CYRIA: variants seen among roughly 807,000 people sequenced by gnomAD.
The protein encoded by CYRIA is CYFIP-related Rac1 interactor A.
A neutral mutation model predicts 43.9 loss-of-function variants in CYRIA; 15 were observed. That is an observed-to-expected ratio of 0.34 (90% CI 0.23 to 0.53). The LOEUF is 0.53. Among genes scored for constraint, CYRIA ranks in the 20% least tolerant of loss-of-function variants. The probability of loss-of-function intolerance (pLI) is 0.94; values close to 1 mark genes in which losing one functional copy is unlikely to be tolerated. For missense variants in CYRIA, 236 were observed against 394.2 expected (o/e 0.60, Z 3.40); for synonymous variants, 117 against 136.0 (o/e 0.86, Z 0.97).
intron 2 of CYRIA, among the ~76,000 whole-genome samples, chr2:16,610,198 C>G (rs1354406299): frequency 6.6e-6 from 1 of 152,220 alleles, no homozygotes; most frequent in Non-Finnish European, 1.5e-5. Flanking sequence ...TTCTGTGCTA[C>G]TACCATCTCC....
chr2:16,593,245 A>C (rs559279039), intron 2 of CYRIA, among the ~76,000 whole-genome samples: 1 of 152,254 alleles, frequency 6.6e-6, no homozygotes, highest in South Asian at 2.1e-4. Flanking sequence ...TTATTTTTCA[A>C]GATTGGTGTC....
chr2:16,647,586 C>G (rs1050570501), intron 1 of CYRIA, among the ~76,000 whole-genome samples: 11 of 152,210 alleles, frequency 7.2e-5, no homozygotes, highest in African/African-American at 2.7e-4. Context: ...CAAGGCCCTG[C>G]AGGTCCAGTC....
chr2:16,593,196 C>T (rs1182544733), intron 2 of CYRIA, among the ~76,000 whole-genome samples: 1 of 152,028 alleles, frequency 6.6e-6, no homozygotes, highest in African/African-American at 2.4e-5. Flanking sequence ...GGATTAATGT[C>T]CCCAGCATCA....
At position 16,653,110 on chromosome 2, in the gene CYRIA, T is replaced by C. The variant is rs543169837; in HGVS notation, c.-167+12670A>G. On this transcript the variant is annotated intron_variant, in intron 1 of 11. Coordinates refer to ENST00000381323, the MANE Select transcript of CYRIA (RefSeq NM_030797.4). ...ATTGAAGACAAGCCTGGGCCTGTCC[T>C]GCATGGTGCACAGGCCAGCATGAGA... Among the ~76,000 whole-genome samples, 35 of 152,358 alleles carry C rather than the reference T, an allele frequency of 2.3e-4. No individual in the cohort carries two copies. In the South Asian group the frequency reaches 7.3e-3, roughly 32 times the overall value.
At chr2:16,599,680 A>G (rs1351154834) in intron 2 of CYRIA, among the ~76,000 whole-genome samples, 2 of 150,358 alleles carry the variant, frequency 1.3e-5, no homozygotes, top group Non-Finnish European at 3.0e-5. Context: ...AAATGCAGAA[A>G]TCACCCGTCT....
intron 1 of CYRIA, among the ~76,000 whole-genome samples, chr2:16,641,317 C>T (rs1298082036): frequency 3.9e-5 from 6 of 152,170 alleles, no homozygotes; most frequent in African/African-American, 1.4e-4. Flanking sequence ...CCTTCTCCTC[C>T]GTATGCCACG....
At chr2:16,608,206 C>T (rs901581349) in intron 2 of CYRIA, among the ~76,000 whole-genome samples, 4 of 152,144 alleles carry the variant, frequency 2.6e-5, no homozygotes, top group Non-Finnish European at 5.9e-5. Context: ...AAGACATCAC[C>T]CACACAGACT....
intron 2 of CYRIA, among the ~76,000 whole-genome samples, chr2:16,592,001 G>A (rs144727078): frequency 6.6e-5 from 10 of 152,160 alleles, no homozygotes; most frequent in African/African-American, 2.4e-4. Flanking sequence ...GCACATAGAA[G>A]TTTTCAGATC....
chr2:16,628,163 T>TGAC (rs142875440), intron 1 of CYRIA, among the ~76,000 whole-genome samples: 2 of 151,550 alleles, frequency 1.3e-5, no homozygotes, highest in Non-Finnish European at 2.9e-5. Context: ...CCTAGAATAA[T>TGAC]AACAACAACA....
chr2:16,653,386 C>T (rs970824454), intron 1 of CYRIA, among the ~76,000 whole-genome samples: 6 of 152,218 alleles, frequency 3.9e-5, no homozygotes, highest in East Asian at 1.9e-4. Flanking sequence ...GATTATTTTA[C>T]GTCCTTCAGG....
chr2:16,576,621 A>G (rs1369530266), intron 3 of CYRIA, among the ~76,000 whole-genome samples: 1 of 152,194 alleles, frequency 6.6e-6, no homozygotes, highest in Non-Finnish European at 1.5e-5. Context: ...ATTTACCAAT[A>G]TTGCATTATT....
At chr2:16,606,216 AC>A in intron 2 of CYRIA, among the ~76,000 whole-genome samples, 1 of 152,172 alleles carries the variant, frequency 6.6e-6, no homozygotes. Flanking sequence ...CCCTCACCCA[AC>A]AAAAAGCATT....
intron 1 of CYRIA, among the ~76,000 whole-genome samples, chr2:16,662,696 T>C (rs1275269097): frequency 1.3e-5 from 2 of 152,184 alleles, no homozygotes; most frequent in South Asian, 2.1e-4. Context: ...CAAGGGCTGA[T>C]GTGTGGCTCT....
At chr2:16,628,199 T>C (rs1051398725) in intron 1 of CYRIA, among the ~76,000 whole-genome samples, 1 of 152,214 alleles carries the variant, frequency 6.6e-6, no homozygotes, top group African/African-American at 2.4e-5. Context: ...TGGCAGGTTA[T>C]GATTTGTCAG....
chr2:16,565,930 C>G (rs1415090938), intron 3 of CYRIA, among the ~76,000 whole-genome samples, 163 bp from the exon 4 acceptor site: 2 of 152,144 alleles, frequency 1.3e-5, no homozygotes, highest in African/African-American at 4.8e-5. Context: ...GAAGGGAAAA[C>G]TGATGAAACT....
At chr2:16,616,266 T>C (rs1263383783) in intron 2 of CYRIA, among the ~76,000 whole-genome samples, 1 of 152,110 alleles carries the variant, frequency 6.6e-6, no homozygotes, top group African/African-American at 2.4e-5. Context: ...CTGCAGGCAT[T>C]TGCACTGAAA....
At chr2:16,593,633 G>A (rs1022628886) in intron 2 of CYRIA, among the ~76,000 whole-genome samples, 4 of 150,144 alleles carry the variant, frequency 2.7e-5, no homozygotes, top group Non-Finnish European at 5.9e-5. Flanking sequence ...TGGATGGTGT[G>A]GTTACTCTTT....
chr2:16,561,382 T>G, intron 7 of CYRIA, 74 bp downstream of exon 7: 1 of 1,518,142 alleles, frequency 6.6e-7, no homozygotes, highest in Non-Finnish European at 9.2e-7. Context: ...GTCTTCTGTC[T>G]GTGCTCTGCC....
intron 2 of CYRIA, among the ~76,000 whole-genome samples, chr2:16,604,982 A>G (rs1668344813): frequency 6.6e-6 from 1 of 152,258 alleles, no homozygotes; most frequent in African/African-American, 2.4e-5. Flanking sequence ...ACGTTTTAAC[A>G]CTACAAGTAA....
Sources: allele counts gnomAD v4.1 joint callset (sites outside exome capture counted in the v4.1 genomes callset), GRCh38; gene constraint gnomAD v4.1.1; transcripts MANE v1.5; gene names NCBI Gene and HGNC (gene_info 2026-07-23, HGNC 2026-07-21).